The following CNTNAP2 variants were observed in gnomAD, a reference collection of about 807,000 sequenced individuals.
CNTNAP2 encodes the protein contactin-associated protein-like 2.
CNTNAP2 carries 98 observed loss-of-function variants against 155.2 expected under a neutral mutation model. The ratio of observed to expected loss-of-function variants is 0.63; its 90% confidence interval spans 0.54 to 0.75. CNTNAP2 has a LOEUF of 0.75. Ranked by LOEUF, CNTNAP2 falls within the 30% of genes least tolerant of loss-of-function variation. The pLI, the probability that CNTNAP2 is intolerant of heterozygous loss-of-function variation, is 0.00. For synonymous variants in CNTNAP2, 651 were observed against 631.2 expected, an observed-to-expected ratio of 1.03 and a Z score of -0.47; for missense variants, 1,727 against 1,688.1, an observed-to-expected ratio of 1.02 and a Z score of -0.40.
chr7:146,645,575 A>T (rs1385514208), intron 1 of CNTNAP2, among the ~76,000 whole-genome samples: 3 of 152,146 alleles, frequency 2.0e-5, no homozygotes, highest in Non-Finnish European at 4.4e-5. Context: ...ATCTTGTTGG[A>T]GATGGGGGTG....
chr7:147,652,527 C>T (rs891321933), intron 13 of CNTNAP2, among the ~76,000 whole-genome samples: 18 of 152,024 alleles, frequency 1.2e-4, no homozygotes, highest in Admixed American at 2.0e-4. Context: ...TGGCTCATTC[C>T]GCCCCAAATC....
intron 15 of CNTNAP2, among the ~76,000 whole-genome samples, chr7:148,029,253 T>A (rs1028796062): frequency 2.0e-5 from 3 of 152,196 alleles, no homozygotes; most frequent in Non-Finnish European, 2.9e-5. Flanking sequence ...GTTCTATGCT[T>A]AATGTCAGTG....
chr7:148,265,598 C>T (rs1317523641), intron 20 of CNTNAP2, among the ~76,000 whole-genome samples: 1 of 152,110 alleles, frequency 6.6e-6, no homozygotes, highest in Non-Finnish European at 1.5e-5. Context: ...ATGCATTTGA[C>T]GTTATAGAAA....
intron 18 of CNTNAP2, among the ~76,000 whole-genome samples, chr7:148,198,219 G>T (rs1159702120): frequency 6.6e-6 from 1 of 152,154 alleles, no homozygotes; most frequent in Non-Finnish European, 1.5e-5. Flanking sequence ...CACAGCCCCT[G>T]TTCTTTCTCT....
chr7:147,689,786 G>A (rs1407023374), intron 13 of CNTNAP2, among the ~76,000 whole-genome samples: 1 of 151,994 alleles, frequency 6.6e-6, no homozygotes, highest in East Asian at 1.9e-4. Flanking sequence ...CTAGAGTCAG[G>A]ATTTGAAGTA....
At chr7:146,330,471 A>G (rs1801167601) in intron 1 of CNTNAP2, among the ~76,000 whole-genome samples, 1 of 152,192 alleles carries the variant, frequency 6.6e-6, no homozygotes, top group South Asian at 2.1e-4. Flanking sequence ...AATTGTATGT[A>G]TAAAAATTAC....
At chr7:147,840,327 A>T (rs941033965) in intron 13 of CNTNAP2, among the ~76,000 whole-genome samples, 27 of 152,186 alleles carry the variant, frequency 1.8e-4, no homozygotes, top group Non-Finnish European at 4.4e-5. Flanking sequence ...TAAAAATTTT[A>T]AAAAACGAAA....
At chr7:147,062,073 A>G (rs1184528669) in intron 4 of CNTNAP2, among the ~76,000 whole-genome samples, 3 of 136,296 alleles carry the variant, frequency 2.2e-5, no homozygotes, top group Non-Finnish European at 3.1e-5. Flanking sequence ...GCTTGCAGTG[A>G]GCCGAGATCG....
chr7:146,589,616 G>C (rs940712158), intron 1 of CNTNAP2, among the ~76,000 whole-genome samples: 2 of 151,862 alleles, frequency 1.3e-5, no homozygotes, highest in Non-Finnish European at 2.9e-5. Flanking sequence ...GGGGATAGGG[G>C]AGGGATAGTA....
intron 2 of CNTNAP2, among the ~76,000 whole-genome samples, chr7:146,811,810 A>G (rs1014603869): frequency 1.3e-5 from 2 of 152,100 alleles, no homozygotes; most frequent in African/African-American, 4.8e-5. Context: ...TTCTCATGAT[A>G]GTGACTGAGT....
chr7:146,835,186 C>T (rs1247212427), intron 2 of CNTNAP2, among the ~76,000 whole-genome samples: 3 of 152,190 alleles, frequency 2.0e-5, no homozygotes, highest in Non-Finnish European at 4.4e-5. Context: ...ATGTTAGTTG[C>T]TTGCTTGCTG....
At chr7:146,835,261 A>G (rs554715003) in intron 2 of CNTNAP2, among the ~76,000 whole-genome samples, 3 of 152,196 alleles carry the variant, frequency 2.0e-5, no homozygotes, top group Non-Finnish European at 4.4e-5. Flanking sequence ...TTCATTAGCA[A>G]AACAGAGGAA....
At chr7:148,286,469 A>T (rs1797084387) in intron 21 of CNTNAP2, among the ~76,000 whole-genome samples, 2 of 152,340 alleles carry the variant, frequency 1.3e-5, no homozygotes, top group South Asian at 2.1e-4. Context: ...AAGAAAAGTC[A>T]AACAATAAGG....
chr7:147,529,733 G>T (rs1208941676), intron 11 of CNTNAP2, among the ~76,000 whole-genome samples: 3 of 152,124 alleles, frequency 2.0e-5, no homozygotes, highest in African/African-American at 4.8e-5. Flanking sequence ...TAAACCTTTA[G>T]TGCATAGGCA....
At chr7:147,422,552 G>T (rs1797313005) in intron 10 of CNTNAP2, among the ~76,000 whole-genome samples, 1 of 151,950 alleles carries the variant, frequency 6.6e-6, no homozygotes, top group Admixed American at 6.6e-5. Flanking sequence ...GGGGTGTTTA[G>T]ACCCTGTTTA....
At chr7:146,454,424 G>A (rs1200898793) in intron 1 of CNTNAP2, among the ~76,000 whole-genome samples, 6 of 152,100 alleles carry the variant, frequency 3.9e-5, no homozygotes, top group Non-Finnish European at 8.8e-5. Context: ...TTTCAATAAT[G>A]TAATGGTCTA....
At chr7:147,481,067 T>A (rs1798414844) in intron 10 of CNTNAP2, among the ~76,000 whole-genome samples, 1 of 152,200 alleles carries the variant, frequency 6.6e-6, no homozygotes, top group African/African-American at 2.4e-5. Flanking sequence ...TGTGGATTTC[T>A]GGAGTCATGG....
intron 14 of CNTNAP2, among the ~76,000 whole-genome samples, chr7:147,930,830 T>A (rs1800488396): frequency 6.6e-6 from 1 of 152,068 alleles, no homozygotes. Context: ...AAGATTAAAA[T>A]CATACCAGGT....
chr7:147,149,847 G>A (rs746276877), intron 8 of CNTNAP2, among the ~76,000 whole-genome samples: 1 of 152,196 alleles, frequency 6.6e-6, no homozygotes, highest in Admixed American at 6.5e-5. Context: ...TTTTATCTAT[G>A]ATGATAGCCA....
Sources: allele counts gnomAD v4.1 joint callset (sites outside exome capture counted in the v4.1 genomes callset), GRCh38; gene constraint gnomAD v4.1.1; transcripts MANE v1.5; gene names NCBI Gene and HGNC (gene_info 2026-07-23, HGNC 2026-07-21).